Variants in RORB observed in about 807,000 individuals in gnomAD.
RORB encodes the protein nuclear receptor ROR-beta.
RORB carries 6 observed loss-of-function variants against 59.1 expected under a neutral mutation model. The observed-to-expected ratio is 0.10, with a 90% confidence interval of 0.06 to 0.20. RORB has a LOEUF of 0.20. RORB is among the 10% of genes least tolerant of loss of function. The probability of loss-of-function intolerance (pLI) is 1.00; values close to 1 mark genes in which losing one functional copy is unlikely to be tolerated. For synonymous variants in RORB, 215 were observed against 204.5 expected, an observed-to-expected ratio of 1.05 and a Z score of -0.44; for missense variants, 320 against 560.5, an observed-to-expected ratio of 0.57 and a Z score of 4.33.
chr9:74,576,733 TA>T (rs1428256523), intron 1 of RORB, among the ~76,000 whole-genome samples: 1 of 152,134 alleles, frequency 6.6e-6, no homozygotes, highest in Non-Finnish European at 1.5e-5. Flanking sequence ...AAGCCTTTTT[TA>T]GTTTCGTGCT....
chr9:74,602,766 C>T (rs754470091), intron 1 of RORB, among the ~76,000 whole-genome samples: 14 of 152,110 alleles, frequency 9.2e-5, no homozygotes, highest in Non-Finnish European at 7.4e-5. Flanking sequence ...AAATTTTTCA[C>T]TGTATAAATT....
chr9:74,625,480 G>A (rs1411580468), intron 1 of RORB, among the ~76,000 whole-genome samples: 4 of 152,138 alleles, frequency 2.6e-5, no homozygotes, highest in African/African-American at 4.8e-5. Context: ...CAGGCATGGT[G>A]GTGCACACCC....
At chr9:74,514,371 T>C (rs1825981123) in intron 1 of RORB, among the ~76,000 whole-genome samples, 1 of 152,052 alleles carries the variant, frequency 6.6e-6, no homozygotes, top group South Asian at 2.1e-4. Context: ...GTTCTGACAT[T>C]GTAGCATAAA....
chr9:74,619,715 G>A (rs1352152319), intron 1 of RORB, among the ~76,000 whole-genome samples: 4 of 152,152 alleles, frequency 2.6e-5, no homozygotes, highest in African/African-American at 4.8e-5. Flanking sequence ...CTCCCAAAGT[G>A]CTGGAATTAC....
intron 2 of RORB, among the ~76,000 whole-genome samples, chr9:74,634,078 T>TAA (rs57659935): frequency 0.23 from 32,987 of 141,444 alleles, 3,749 homozygotes; most frequent in South Asian, 0.31. Context: ...CTCAAAAAGT[T>TAA]AAAAAAAAAA....
In RORB at chr9:74,686,896, T is replaced by C. The variant is rs1824656224; in HGVS notation, c.*1278T>C. The C allele has an allele frequency of 6.6e-6, 1 of 152,354 alleles. No homozygotes were observed. The highest frequency in any genetic ancestry group is 1.5e-5 in the Non-Finnish European group (1 of 68,006). The allele number at this position is 152,354 out of a possible 1,614,324, so 9.4% of individuals were successfully genotyped here. A position where few individuals can be genotyped will look rare whatever the true frequency, so the allele number is the denominator to read the frequency against. On this transcript the variant is annotated 3_prime_UTR_variant, in exon 10 of 10. Coordinates refer to ENST00000376896, the MANE Select transcript of RORB (RefSeq NM_006914.4). ...CAGACTAGAAAAAAAAAGATCTGTG[T>C]TATTCTAGGGAACTAATGTACCCCA...
chr9:74,555,456 C>A (rs1163416587), intron 1 of RORB, among the ~76,000 whole-genome samples: 1 of 152,076 alleles, frequency 6.6e-6, no homozygotes, highest in Admixed American at 6.5e-5. Context: ...AGAAATAAAA[C>A]CTTAATACAT....
intron 1 of RORB, among the ~76,000 whole-genome samples, chr9:74,589,933 A>G (rs1209621970): frequency 2.6e-5 from 4 of 152,230 alleles, no homozygotes; most frequent in Non-Finnish European, 5.9e-5. Flanking sequence ...GGATAAGAAC[A>G]TAGACTTTGG....
At chr9:74,532,841 C>T (rs112119329) in intron 1 of RORB, among the ~76,000 whole-genome samples, 3 of 134,212 alleles carry the variant, frequency 2.2e-5, no homozygotes, top group African/African-American at 8.3e-5. Context: ...TATATATACA[C>T]ATATATATAC....
chr9:74,608,819 T>C (rs1823189568), intron 1 of RORB, among the ~76,000 whole-genome samples: 1 of 152,242 alleles, frequency 6.6e-6, no homozygotes, highest in Middle Eastern at 3.2e-3. Context: ...ACAAGTTTCT[T>C]CTTGCATTTG....
Position 74,498,030 on chromosome 9 carries a change from C to T in RORB, c.7+47C>T, listed in dbSNP as rs760408734. The T allele has an allele frequency of 3.1e-6, 5 of 1,600,650 alleles. No individual in the cohort carries two copies. The Admixed American group carries it at 5.1e-5, about 16-fold the overall frequency. On this transcript the variant is annotated intron_variant, in intron 1 of 9. Coordinates refer to ENST00000376896, the MANE Select transcript of RORB (RefSeq NM_006914.4). ...GAGGCTCCCCGAGTCCGGCCAACTC[C>T]AGCCAGACGGGGAGATGGGGGAGGG...
At chr9:74,573,122 G>T (rs899422185) in intron 1 of RORB, among the ~76,000 whole-genome samples, 2 of 152,122 alleles carry the variant, frequency 1.3e-5, no homozygotes, top group Admixed American at 1.3e-4. Context: ...CTGAAGACTA[G>T]ACAGTTTTCA....
chr9:74,508,210 T>A (rs1825893834), intron 1 of RORB, among the ~76,000 whole-genome samples: 1 of 151,954 alleles, frequency 6.6e-6, no homozygotes, highest in African/African-American at 2.4e-5. Flanking sequence ...GCTTTTGGAG[T>A]AAATTATCCC....
chr9:74,664,001 G>T (rs1047943047), intron 6 of RORB, among the ~76,000 whole-genome samples: 4 of 152,082 alleles, frequency 2.6e-5, no homozygotes, highest in Admixed American at 2.6e-4. Flanking sequence ...TTCAAAGATA[G>T]GAGACATGGA....
At chr9:74,628,546 T>C (rs1215744951) in intron 1 of RORB, among the ~76,000 whole-genome samples, 6 of 152,244 alleles carry the variant, frequency 3.9e-5, no homozygotes, top group Admixed American at 3.9e-4. Context: ...AAAGATGATT[T>C]GAAATTTCTG....
At chr9:74,579,750 G>C (rs1480048902) in intron 1 of RORB, among the ~76,000 whole-genome samples, 1 of 152,064 alleles carries the variant, frequency 6.6e-6, no homozygotes, top group East Asian at 1.9e-4. Flanking sequence ...ATTTCAATTG[G>C]TACCACTCAG....
intron 6 of RORB, 46 bp downstream of exon 6, chr9:74,662,652 G>T: frequency 3.7e-6 from 6 of 1,601,958 alleles, no homozygotes; most frequent in Non-Finnish European, 5.1e-6. Context: ...TAAGGATGTG[G>T]TCAGCCCTTA....
intron 1 of RORB, among the ~76,000 whole-genome samples, chr9:74,541,952 T>C (rs1026849477): frequency 6.6e-6 from 1 of 152,190 alleles, no homozygotes; most frequent in African/African-American, 2.4e-5. Context: ...TGTTCTCTTG[T>C]GGATTTTCAG....
chr9:74,527,272 T>C (rs1360498939), intron 1 of RORB, among the ~76,000 whole-genome samples: 3 of 151,982 alleles, frequency 2.0e-5, no homozygotes, highest in Admixed American at 6.6e-5. Context: ...GAAAACAAGA[T>C]GCTAAATTAT....
Sources: gnomAD v4.1 joint callset for allele counts (sites outside exome capture counted in the v4.1 genomes callset) on GRCh38, gnomAD v4.1.1 for gene constraint, MANE v1.5 for transcripts, NCBI Gene and HGNC (gene_info 2026-07-23, HGNC 2026-07-21) for gene names.